The following PTPRR variants were observed in gnomAD, a reference collection of about 807,000 sequenced individuals.
PTPRR encodes the protein protein tyrosine phosphatase receptor type R.
In PTPRR, 38 loss-of-function variants were observed where a neutral mutation model predicts 77.2. The observed-to-expected ratio is 0.49, with a 90% CI of 0.38 to 0.65. PTPRR has a LOEUF of 0.65. PTPRR is among the 30% of genes least tolerant of loss of function. The probability of loss-of-function intolerance (pLI) is 0.00; values close to 1 mark genes in which losing one functional copy is unlikely to be tolerated. For synonymous variants in PTPRR, 299 were observed against 283.1 expected, an observed-to-expected ratio of 1.06 and a Z score of -0.57; for missense variants, 744 against 799.2, an observed-to-expected ratio of 0.93 and a Z score of 0.83.
intron 13 of PTPRR, among the ~76,000 whole-genome samples, chr12:70,646,898 G>GT (rs1886220359): frequency 6.6e-6 from 1 of 151,870 alleles, no homozygotes; most frequent in African/African-American, 2.4e-5. Context: ...ACATATATTA[G>GT]CCTTGGAAAT....
At chr12:70,660,153 G>C (rs1886741970) in intron 12 of PTPRR, among the ~76,000 whole-genome samples, 2 of 147,032 alleles carry the variant, frequency 1.4e-5, no homozygotes, top group Middle Eastern at 3.5e-3. Context: ...CTCCAGCCTG[G>C]GTGATAGAGT....
At chr12:70,721,237 G>A (rs924613163) in intron 6 of PTPRR, among the ~76,000 whole-genome samples, 9 of 152,266 alleles carry the variant, frequency 5.9e-5, no homozygotes, top group African/African-American at 1.9e-4. Context: ...AATATACTGA[G>A]GAGAACCAAG....
intron 1 of PTPRR, among the ~76,000 whole-genome samples, chr12:70,901,765 A>C (rs1446926117): frequency 2.0e-5 from 3 of 151,762 alleles, no homozygotes; most frequent in African/African-American, 7.2e-5. Context: ...GGACTTAATC[A>C]TTAATTTAAT....
At chr12:70,754,878 T>C in intron 4 of PTPRR, 1 of 663,444 alleles carries the variant, frequency 1.5e-6, no homozygotes, top group Non-Finnish European at 2.3e-6. Context: ...CAAGAATACA[T>C]ATTGTTAGAA....
At chr12:70,736,504 G>T (rs1018806989) in intron 6 of PTPRR, among the ~76,000 whole-genome samples, 5 of 152,010 alleles carry the variant, frequency 3.3e-5, no homozygotes, top group Non-Finnish European at 7.4e-5. Context: ...GCTTGGGTTC[G>T]CATTCTATTT....
At chr12:70,814,512 G>A (rs1891865289) in intron 2 of PTPRR, among the ~76,000 whole-genome samples, 1 of 152,192 alleles carries the variant, frequency 6.6e-6, no homozygotes, top group South Asian at 2.1e-4. Context: ...CATGTTGTTT[G>A]GCAGTTGCCA....
At chr12:70,898,074 G>A (rs962036152) in intron 1 of PTPRR, among the ~76,000 whole-genome samples, 1 of 151,758 alleles carries the variant, frequency 6.6e-6, no homozygotes, top group Non-Finnish European at 1.5e-5. Flanking sequence ...AATGGGTGCA[G>A]CACACCAACA....
At chr12:70,672,022 C>A (rs1028357809) in intron 10 of PTPRR, 7 of 1,315,758 alleles carry the variant, frequency 5.3e-6, no homozygotes, top group Admixed American at 1.7e-5. Flanking sequence ...TCCAGGCACC[C>A]CACCTGGTGG....
At chr12:70,682,034 C>CTTTTTTTTTT (rs578204454) in intron 10 of PTPRR, among the ~76,000 whole-genome samples, 1 of 62,690 alleles carries the variant, frequency 1.6e-5, no homozygotes, top group African/African-American at 6.0e-5. Context: ...TTGTTGTTCA[C>CTTTTTTTTTT]TTTTTTTTTT....
intron 2 of PTPRR, 75 bp downstream of exon 2, chr12:70,892,604 G>A: frequency 6.6e-7 from 1 of 1,518,688 alleles, no homozygotes; most frequent in Non-Finnish European, 9.0e-7. Context: ...CACAATCAGT[G>A]TTTTTCTTTT....
At position 70,672,419 on chromosome 12, in the gene PTPRR, A is replaced by T. The variant is rs144474654; in HGVS notation, c.1498-9814T>A. ...AGTGGAGCAGCTGTGGTCATTGGAA[A>T]GAAAGGCAAGCACATCAAGGCCACA... On this transcript the variant is annotated intron_variant, in intron 10 of 13. Transcript: ENST00000283228. The T allele has an allele frequency of 2.1e-4, 237 of 1,154,990 alleles. 2 individuals carry two copies. In the African/African-American group the frequency reaches 2.9e-3, roughly 14 times the overall value. The allele number at this position is 1,154,990 out of a possible 1,614,324, so 71.5% of individuals were successfully genotyped here.
chr12:70,679,916 C>T (rs996961691), intron 10 of PTPRR, among the ~76,000 whole-genome samples: 3 of 152,070 alleles, frequency 2.0e-5, no homozygotes, highest in East Asian at 1.9e-4. Flanking sequence ...CAGGTAAGAA[C>T]TTACTCCTGC....
chr12:70,715,509 G>A (rs1388023834), intron 6 of PTPRR, among the ~76,000 whole-genome samples: 1 of 152,088 alleles, frequency 6.6e-6, no homozygotes, highest in Non-Finnish European at 1.5e-5. Flanking sequence ...AATAAGCCTG[G>A]GAGCGCTATG....
At chr12:70,766,298 C>G (rs1011512611) in intron 2 of PTPRR, among the ~76,000 whole-genome samples, 2 of 152,058 alleles carry the variant, frequency 1.3e-5, no homozygotes, top group African/African-American at 4.8e-5. Context: ...ACTAGAATAA[C>G]CAATACAGAG....
At chr12:70,858,821 A>G (rs1892697556) in intron 2 of PTPRR, among the ~76,000 whole-genome samples, 1 of 152,010 alleles carries the variant, frequency 6.6e-6, no homozygotes, top group Non-Finnish European at 1.5e-5. Context: ...CTAAGTCCAT[A>G]ATGAGTTTTA....
chr12:70,880,152 T>G (rs192739337), intron 2 of PTPRR, among the ~76,000 whole-genome samples: 5 of 152,324 alleles, frequency 3.3e-5, no homozygotes, highest in African/African-American at 1.2e-4. Context: ...TAACAGTCAA[T>G]TTTTATAAGG....
At chr12:70,710,585 G>T (rs1888789250) in intron 6 of PTPRR, among the ~76,000 whole-genome samples, 1 of 152,100 alleles carries the variant, frequency 6.6e-6, no homozygotes, top group Non-Finnish European at 1.5e-5. Flanking sequence ...CTTCTGCACA[G>T]CAAAAGAAAC....
At chr12:70,642,422 A>G (rs1253855531) in intron 13 of PTPRR, among the ~76,000 whole-genome samples, 3 of 152,136 alleles carry the variant, frequency 2.0e-5, no homozygotes, top group Admixed American at 6.5e-5. Flanking sequence ...TCTCACTCCC[A>G]GCGTTGTGTC....
At position 70,831,719 on chromosome 12, in the gene PTPRR, A is replaced by T. The variant is rs80234934; in HGVS notation, c.357+60960T>A. Among the ~76,000 whole-genome samples, 475 of 152,328 alleles carry T rather than the reference A, an allele frequency of 3.1e-3. 4 individuals are homozygous for T. The highest frequency in any genetic ancestry group is 0.011 in the African/African-American group (455 of 41,566). ...CAGGCCTGCCTTCTGGCTCACCTGCATGTAGCCACATAAAGCTTTCTCATT... is the reference window on the plus strand; with the variant it reads ...CAGGCCTGCCTTCTGGCTCACCTGCTTGTAGCCACATAAAGCTTTCTCATT... On this transcript the variant is annotated intron_variant, in intron 2 of 13. Coordinates refer to ENST00000283228, the MANE Select transcript of PTPRR (RefSeq NM_002849.4).
Sources: gnomAD v4.1 joint callset for allele counts (sites outside exome capture counted in the v4.1 genomes callset) on GRCh38, gnomAD v4.1.1 for gene constraint, MANE v1.5 for transcripts, NCBI Gene and HGNC (gene_info 2026-07-23, HGNC 2026-07-21) for gene names.